COL5A2: variants seen among roughly 807,000 people sequenced by gnomAD.
COL5A2 encodes the protein collagen alpha-2(V) chain.
COL5A2 carries 23 observed loss-of-function variants against 208.2 expected under a neutral mutation model. That is an observed-to-expected ratio of 0.11 (90% CI 0.08 to 0.16). The LOEUF (loss-of-function observed/expected upper bound fraction) is 0.16. COL5A2 is among the 10% of genes least tolerant of loss of function. The probability of loss-of-function intolerance (pLI) is 1.00; values close to 1 mark genes in which losing one functional copy is unlikely to be tolerated. For missense variants in COL5A2, 1,590 were observed against 1,956.4 expected (o/e 0.81, Z 3.53); for synonymous variants, 625 against 628.5 (o/e 0.99, Z 0.08).
chr2:189,323,209 A>G, the COL5A2 span, among the ~76,000 whole-genome samples: 1 of 152,314 alleles, frequency 6.6e-6, no homozygotes, highest in East Asian at 1.9e-4. Flanking sequence ...CCCACAGCCA[A>G]TATCATACTG....
chr2:189,329,320 A>G, the COL5A2 span, among the ~76,000 whole-genome samples: 1 of 152,232 alleles, frequency 6.6e-6, no homozygotes, highest in Admixed American at 6.5e-5. Context: ...AGTAGTTACC[A>G]AGAGGTGGGA....
At chr2:189,359,169 A>C in the COL5A2 span, among the ~76,000 whole-genome samples, 1 of 152,138 alleles carries the variant, frequency 6.6e-6, no homozygotes, top group Non-Finnish European at 1.5e-5. Context: ...AAAAGCTTTC[A>C]ATTTTTCACC....
At chr2:189,312,962 T>C in the COL5A2 span, among the ~76,000 whole-genome samples, 3 of 151,612 alleles carry the variant, frequency 2.0e-5, no homozygotes, top group Admixed American at 1.3e-4. Context: ...ACAAGAACGC[T>C]GATAAAACAT....
intron 1 of COL5A2, among the ~76,000 whole-genome samples, chr2:189,157,446 A>G (rs1431044956): frequency 1.3e-5 from 2 of 151,918 alleles, no homozygotes; most frequent in African/African-American, 4.8e-5. Flanking sequence ...AAGAAGTCTA[A>G]AAAAAGCAAG....
At chr2:189,437,925 T>C in the COL5A2 span, among the ~76,000 whole-genome samples, 1 of 152,118 alleles carries the variant, frequency 6.6e-6, no homozygotes, top group Non-Finnish European at 1.5e-5. Context: ...TACATGAAGA[T>C]ACTAAGCAGT....
chr2:189,122,372 G>A (rs761379796), intron 1 of COL5A2, among the ~76,000 whole-genome samples: 20 of 152,132 alleles, frequency 1.3e-4, no homozygotes, highest in Non-Finnish European at 2.8e-4. Flanking sequence ...CTCTGCCTGG[G>A]AAAGAGGCAG....
At chr2:189,099,268 T>TA (rs61277574) in intron 4 of COL5A2, among the ~76,000 whole-genome samples, 20,266 of 152,130 alleles carry the variant, frequency 0.13, 1,375 homozygotes, top group Middle Eastern at 0.19. Flanking sequence ...TAATCTTCGT[T>TA]AAAAAAACAA....
chr2:189,380,985 G>T, the COL5A2 span, among the ~76,000 whole-genome samples: 4 of 151,974 alleles, frequency 2.6e-5, no homozygotes, highest in African/African-American at 9.7e-5. Flanking sequence ...GTGATAAAAA[G>T]ACTGGTAGAG....
At chr2:189,124,460 T>C (rs1380697057) in intron 1 of COL5A2, among the ~76,000 whole-genome samples, 1 of 152,156 alleles carries the variant, frequency 6.6e-6, no homozygotes, top group Non-Finnish European at 1.5e-5. Context: ...GCGCAGGAAA[T>C]GAAATTTTTC....
chr2:189,152,988 A>G (rs1688175239), intron 1 of COL5A2, among the ~76,000 whole-genome samples: 1 of 152,204 alleles, frequency 6.6e-6, no homozygotes, highest in African/African-American at 2.4e-5. Flanking sequence ...CAGAGTGTAA[A>G]AGGACATATT....
At chr2:189,394,266 C>T in the COL5A2 span, among the ~76,000 whole-genome samples, 1 of 150,784 alleles carries the variant, frequency 6.6e-6, no homozygotes, top group Non-Finnish European at 1.5e-5. Flanking sequence ...GAAAAAAAAA[C>T]ATTAGATTCT....
chr2:189,187,646 C>CTAAAAAACATA (rs1688869186), intron 1 of COL5A2, among the ~76,000 whole-genome samples: 1 of 152,136 alleles, frequency 6.6e-6, no homozygotes, highest in Non-Finnish European at 1.5e-5. Flanking sequence ...AGCGTTTCTT[C>CTAAAAAACATA]TAAAAAACAT....
chr2:189,351,930 G>C, the COL5A2 span, among the ~76,000 whole-genome samples: 5 of 152,148 alleles, frequency 3.3e-5, no homozygotes, highest in East Asian at 9.7e-4. Flanking sequence ...TCTACATTAG[G>C]TATCTCTCCT....
At chr2:189,042,644 G>A (rs1392847913) in intron 49 of COL5A2, 76 bp downstream of exon 49, 2 of 1,395,364 alleles carry the variant, frequency 1.4e-6, no homozygotes, top group African/African-American at 1.4e-5. Context: ...CCAGGAAAAC[G>A]ATACTCAAGC....
chr2:189,225,461 C>T (rs1464192095), upstream of COL5A2, among the ~76,000 whole-genome samples: 1 of 152,072 alleles, frequency 6.6e-6, no homozygotes, highest in African/African-American at 2.4e-5. Flanking sequence ...AAACTCTTAC[C>T]ACAGCTTATT....
chr2:189,285,925 G>A, the COL5A2 span, among the ~76,000 whole-genome samples: 1 of 152,032 alleles, frequency 6.6e-6, no homozygotes. Context: ...ATCTCCTCAA[G>A]TTTTCCCAAT....
chr2:189,162,295 T>C (rs553268062), intron 1 of COL5A2, among the ~76,000 whole-genome samples: 3 of 152,216 alleles, frequency 2.0e-5, no homozygotes, highest in Non-Finnish European at 2.9e-5. Flanking sequence ...ACTCAGCACA[T>C]GTTTACCAAA....
chr2:189,342,061 T>C, the COL5A2 span, among the ~76,000 whole-genome samples: 1 of 151,984 alleles, frequency 6.6e-6, no homozygotes, highest in South Asian at 2.1e-4. Context: ...AATAACAAAA[T>C]AATGTACTAT....
the COL5A2 span, among the ~76,000 whole-genome samples, chr2:189,417,293 T>C: frequency 6.6e-6 from 1 of 152,176 alleles, no homozygotes; most frequent in African/African-American, 2.4e-5. Flanking sequence ...TCTTACAGAA[T>C]TGATCTACCA....
Sources: allele counts gnomAD v4.1 joint callset (sites outside exome capture counted in the v4.1 genomes callset), GRCh38; gene constraint gnomAD v4.1.1; transcripts MANE v1.5; gene names NCBI Gene and HGNC (gene_info 2026-07-23, HGNC 2026-07-21).